The following RBFOX1 variants were observed in gnomAD, a reference collection of about 807,000 sequenced individuals.
RBFOX1 encodes RNA binding fox-1 homolog 1.
In RBFOX1, 8 loss-of-function variants were observed where a neutral mutation model predicts 57.7. That is an observed-to-expected ratio of 0.14 (90% CI 0.08 to 0.25). The LOEUF (loss-of-function observed/expected upper bound fraction) is 0.25. Among genes scored for constraint, RBFOX1 ranks in the 10% least tolerant of loss-of-function variants. The probability of loss-of-function intolerance (pLI) is 1.00; values close to 1 mark genes in which losing one functional copy is unlikely to be tolerated. For missense variants in RBFOX1, 611 were observed against 548.5 expected, an observed-to-expected ratio of 1.11 and a Z score of -1.14; for synonymous variants, 326 against 222.4, an observed-to-expected ratio of 1.47 and a Z score of -4.15.
chr16:7,156,149 G>A (rs918151612), intron 4 of RBFOX1, among the ~76,000 whole-genome samples: 1 of 151,740 alleles, frequency 6.6e-6, no homozygotes, highest in Admixed American at 6.6e-5. Flanking sequence ...GGGATCACAA[G>A]TGTGACCACT....
chr16:7,253,452 C>T (rs141652770), intron 4 of RBFOX1, among the ~76,000 whole-genome samples: 14 of 152,140 alleles, frequency 9.2e-5, no homozygotes, highest in African/African-American at 3.4e-4. Context: ...GTCTGAGTTC[C>T]CAACGAGACT....
chr16:7,236,487 C>G (rs1001330738), intron 4 of RBFOX1, among the ~76,000 whole-genome samples: 3 of 152,116 alleles, frequency 2.0e-5, no homozygotes, highest in African/African-American at 7.2e-5. Flanking sequence ...TCCATGGTTC[C>G]TAAATGCATC....
At chr16:5,462,401 C>G (rs866328435) in intron 1 of RBFOX1, among the ~76,000 whole-genome samples, 20 of 152,030 alleles carry the variant, frequency 1.3e-4, no homozygotes, top group African/African-American at 4.6e-4. Flanking sequence ...ATCTCCTGAC[C>G]TCGTGATCCA....
intron 4 of RBFOX1, among the ~76,000 whole-genome samples, chr16:7,257,656 T>A (rs1262071610): frequency 6.6e-6 from 1 of 152,130 alleles, no homozygotes; most frequent in Non-Finnish European, 1.5e-5. Context: ...CCAACCCTCC[T>A]CTGTAGCCAT....
At chr16:6,514,587 C>G (rs574382772) in intron 2 of RBFOX1, among the ~76,000 whole-genome samples, 12 of 152,240 alleles carry the variant, frequency 7.9e-5, no homozygotes, top group Non-Finnish European at 1.2e-4. Context: ...GGGGAGCATT[C>G]CTGATGTTCC....
chr16:6,061,865 T>A (rs974705345), intron 1 of RBFOX1, among the ~76,000 whole-genome samples: 12 of 152,128 alleles, frequency 7.9e-5, no homozygotes, highest in African/African-American at 2.9e-4. Context: ...ATTATCTACC[T>A]GGAGATAGCA....
rs78899232 is a variant in RBFOX1 at position 6,912,030 on chromosome 16, T to C, written c.-15-140027T>C. ...AAGATGCATTCTTCAAAGATTCCTT[T>C]TTGTGGACCATTTCTTTGAGAGAGA... On this transcript the variant is annotated intron_variant, in intron 3 of 15. Transcript: ENST00000550418. 6.3e-3 allele frequency among the ~76,000 whole-genome samples: 961 copies of C among 152,332 alleles called. 13 individuals carry two copies. The highest frequency in any genetic ancestry group is 0.022 in the African/African-American group (908 of 41,572).
chr16:7,012,833 G>T (rs74602653), intron 3 of RBFOX1, among the ~76,000 whole-genome samples: 1,881 of 152,244 alleles, frequency 0.012, 44 homozygotes, highest in African/African-American at 0.043. Flanking sequence ...ATAACAAAAT[G>T]CCGTAGACTG....
At position 7,373,396 on chromosome 16, in the gene RBFOX1, G is replaced by T. The variant is rs539415576; in HGVS notation, c.28-144751G>T. ...TACTATTAAGAGGCACAGTGATCCTGAGATGGGAAATGGAGGGCAGTTCTC... is the reference window on the plus strand; with the variant it reads ...TACTATTAAGAGGCACAGTGATCCTTAGATGGGAAATGGAGGGCAGTTCTC... On this transcript the variant is annotated intron_variant, in intron 4 of 15. Transcript: ENST00000550418. Among the ~76,000 whole-genome samples the T allele has an allele frequency of 3.9e-5, 6 of 152,300 alleles. No individual in the cohort carries two copies. In the South Asian group the frequency reaches 1.2e-3, roughly 32 times the overall value.
intron 4 of RBFOX1, among the ~76,000 whole-genome samples, chr16:7,461,815 C>A (rs2059633356): frequency 1.6e-4 from 1 of 6,186 alleles, no homozygotes; most frequent in Non-Finnish European, 4.8e-4. Flanking sequence ...CCTCTCATAT[C>A]TCTTAGCGAC....
At chr16:5,819,928 C>A (rs1436983908) in intron 3 of RBFOX1, among the ~76,000 whole-genome samples, 2 of 152,208 alleles carry the variant, frequency 1.3e-5, no homozygotes, top group Non-Finnish European at 1.5e-5. Context: ...GTTGGCCTTT[C>A]TGCTGGCCTT....
At position 7,668,140 on chromosome 16, in the gene RBFOX1, TG is replaced by T. The variant is rs2070035731; in HGVS notation, c.930+3175del. On this transcript the variant is annotated intron_variant, in intron 13 of 15. Transcript: ENST00000550418. ...TCAACAGCTTGCATCTCAGAACTAC[TG>T]GGCTTTTCTAGGTGCCCTGCTCTCT... is the stretch of plus-strand genomic sequence containing the variant. Among the ~76,000 whole-genome samples the T allele has an allele frequency of 5.3e-5, 8 of 152,318 alleles. 1 individual carries two copies. The highest frequency in any genetic ancestry group is 4.6e-4 in the Admixed American group (7 of 15,298).
chr16:6,609,073 A>ATC (rs2154022535), intron 2 of RBFOX1, among the ~76,000 whole-genome samples: 1 of 152,260 alleles, frequency 6.6e-6, no homozygotes, highest in South Asian at 2.1e-4. Context: ...CCTGGAGCCC[A>ATC]TCTTGATGAT....
chr16:7,709,121 T>G lies in RBFOX1; in HGVS notation c.1061T>G (p.Val354Gly). 6.2e-7 allele frequency: 1 copy of G among 1,613,096 alleles called. No individual in the cohort carries two copies. Among genetic ancestry groups the G allele is most frequent in the South Asian group, 1.1e-5 (1 of 90,914 alleles). Residue 354 changes from valine to glycine, a missense_variant, in exon 15 of 16, where the codon GTT becomes GGT. Coordinates refer to ENST00000550418, the MANE Select transcript of RBFOX1 (RefSeq NM_018723.4). ...CTTGCTCCAGCCCCCACCTACGGCG[T>G]TGGTGCCATGGTGAGTACAAGTTTC... ...HALAPAPTYGVGAMNAFAPLT... is the reference protein window; with the variant it reads ...HALAPAPTYGGGAMNAFAPLT...
chr16:7,464,606 A>T (rs2060155159), intron 4 of RBFOX1, among the ~76,000 whole-genome samples: 1 of 151,764 alleles, frequency 6.6e-6, no homozygotes, highest in African/African-American at 2.4e-5. Context: ...CTTCTGTTAA[A>T]TGAGGCAATA....
intron 2 of RBFOX1, among the ~76,000 whole-genome samples, chr16:6,561,939 C>G (rs1040178587): frequency 6.6e-6 from 1 of 152,128 alleles, no homozygotes; most frequent in African/African-American, 2.4e-5. Context: ...GTAAGTCAAG[C>G]TAAAGCTAAC....
chr16:5,732,163 A>G (rs892590697), intron 3 of RBFOX1, among the ~76,000 whole-genome samples: 1 of 152,216 alleles, frequency 6.6e-6, no homozygotes, highest in Admixed American at 6.5e-5. Context: ...AGCATTTGAT[A>G]GGAAATTGGC....
intron 5 of RBFOX1, chr16:7,519,873 G>A (rs1284891245): frequency 1.3e-5 from 5 of 373,520 alleles, no homozygotes; most frequent in South Asian, 1.1e-4. Flanking sequence ...TAGTTTTGAC[G>A]TTTTGTTTTT....
At chr16:6,940,765 T>TGTGTGC (rs1264597236) in intron 3 of RBFOX1, among the ~76,000 whole-genome samples, 1 of 27,242 alleles carries the variant, frequency 3.7e-5, no homozygotes, top group Non-Finnish European at 6.0e-5. Flanking sequence ...GTCCCGCTAG[T>TGTGTGC]GTGTGTGTGT....
Sources: gnomAD v4.1 joint callset for allele counts (sites outside exome capture counted in the v4.1 genomes callset) on GRCh38, gnomAD v4.1.1 for gene constraint, MANE v1.5 for transcripts, NCBI Gene and HGNC (gene_info 2026-07-23, HGNC 2026-07-21) for gene names.